The following FLI1 variants were observed in gnomAD, a reference collection of about 807,000 sequenced individuals.
FLI1 encodes the protein Friend leukemia integration 1 transcription factor.
FLI1 carries 13 observed loss-of-function variants against 53.1 expected under a neutral mutation model. The ratio of observed to expected loss-of-function variants is 0.24; its 90% CI spans 0.16 to 0.39. FLI1 has a LOEUF of 0.39. Among genes scored for constraint, FLI1 ranks in the 10% least tolerant of loss-of-function variants. The pLI, the probability that FLI1 is intolerant of heterozygous loss-of-function variation, is 1.00. For synonymous variants in FLI1, 244 were observed against 236.7 expected, an observed-to-expected ratio of 1.03 and a Z score of -0.28; for missense variants, 424 against 600.5, an observed-to-expected ratio of 0.71 and a Z score of 3.07.
chr11:128,761,152 T>C (rs1467796273), intron 2 of FLI1, among the ~76,000 whole-genome samples: 1 of 152,018 alleles, frequency 6.6e-6, no homozygotes. Context: ...CTCATAAGAC[T>C]CTAGCTGCTG....
At chr11:128,800,632 A>C (rs1045100367) in intron 5 of FLI1, among the ~76,000 whole-genome samples, 5 of 152,220 alleles carry the variant, frequency 3.3e-5, no homozygotes, top group African/African-American at 1.2e-4. Context: ...ACTTTGCGGA[A>C]AAAAATCTCC....
At chr11:128,693,835 G>A (rs536013878), upstream of FLI1, 9 of 222,912 alleles carry the variant, frequency 4.0e-5, no homozygotes, top group East Asian at 6.2e-4. Flanking sequence ...TATTTATATA[G>A]TGTGTGATGC....
intron 8 of FLI1, 109 bp downstream of exon 8, chr11:128,809,313 C>T (rs1942874466): frequency 1.1e-6 from 1 of 903,708 alleles, no homozygotes; most frequent in South Asian, 1.3e-5. Flanking sequence ...GAGTAACATG[C>T]ACGTCTTTCC....
At chr11:128,756,217 G>T (rs1038653121) in intron 1 of FLI1, among the ~76,000 whole-genome samples, 7 of 152,178 alleles carry the variant, frequency 4.6e-5, no homozygotes, top group African/African-American at 1.7e-4. Flanking sequence ...AAATTTATTT[G>T]CTCAGAGTTC....
In FLI1 at chr11:128,805,346, T is replaced by C. The variant is rs879484049; in HGVS notation, c.656-20T>C. On this transcript the variant is annotated intron_variant, in intron 5 of 8. Transcript: ENST00000527786. ...GAAGCAGGCGATGCTAATGTACCCCTATTTGTTATTGTTCATTAGACCCTT... is the reference window on the plus strand; with the variant it reads ...GAAGCAGGCGATGCTAATGTACCCCCATTTGTTATTGTTCATTAGACCCTT... 25 of 1,502,950 alleles carry C rather than the reference T, an allele frequency of 1.7e-5. No homozygotes were observed. The highest frequency in any genetic ancestry group is 2.7e-5 in the African/African-American group (2 of 72,780). The allele number at this position is 1,502,950 out of a possible 1,614,324, so 93.1% of individuals were successfully genotyped here.
At chr11:128,774,313 G>A (rs1164437827) in intron 4 of FLI1, among the ~76,000 whole-genome samples, 2 of 152,126 alleles carry the variant, frequency 1.3e-5, no homozygotes. Context: ...TGTTAGCTCC[G>A]GAGCAATTAC....
At chr11:128,758,366 A>G in intron 2 of FLI1, 40 bp downstream of exon 2, 1 of 1,562,696 alleles carries the variant, frequency 6.4e-7, no homozygotes, top group Non-Finnish European at 8.8e-7. Context: ...GGGAAGGCAC[A>G]AAGTCGCCAG....
At chr11:128,785,186 T>G (rs762747309) in intron 5 of FLI1, among the ~76,000 whole-genome samples, 12 of 152,134 alleles carry the variant, frequency 7.9e-5, no homozygotes, top group Non-Finnish European at 1.2e-4. Flanking sequence ...GCAGTTATGC[T>G]CTACCTTTAG....
At chr11:128,707,480 G>A (rs1307040434) in intron 1 of FLI1, among the ~76,000 whole-genome samples, 1 of 152,156 alleles carries the variant, frequency 6.6e-6, no homozygotes, top group African/African-American at 2.4e-5. Flanking sequence ...TTCTAGAAAC[G>A]TCATTTCAGG....
chr11:128,784,268 C>CCTGCTGCTGCTG (rs1555122623), intron 5 of FLI1, among the ~76,000 whole-genome samples: 1,905 of 130,204 alleles, frequency 0.015, 44 homozygotes, highest in Non-Finnish European at 0.023. Context: ...TCCTCCTCCT[C>CCTGCTGCTGCTG]CTGCTGTCTT....
intron 1 of FLI1, among the ~76,000 whole-genome samples, chr11:128,754,641 T>C (rs667789): frequency 0.37 from 56,588 of 152,096 alleles, 10,801 homozygotes; most frequent in South Asian, 0.44. Context: ...CTGTGGTCCA[T>C]CTCTAGGGAG....
chr11:128,812,076 C>A lies in FLI1; in HGVS notation c.*1088C>A. ...GCCTATAGCTGAAAAGGAAACAGGG[C>A]TGTTTAAGTCACTGACTTATGAGAA... On this transcript the variant is annotated 3_prime_UTR_variant, in exon 9 of 9. Transcript: ENST00000527786. The A allele has an allele frequency of 4.8e-6, 1 of 207,288 alleles. No individual in the cohort carries two copies. The highest frequency in any genetic ancestry group is 9.9e-6 in the Non-Finnish European group (1 of 101,516). The allele number at this position is 207,288 out of a possible 1,614,324, so 12.8% of individuals were successfully genotyped here. A position where few individuals can be genotyped will look rare whatever the true frequency, so the allele number is the denominator to read the frequency against.
At chr11:128,807,014 G>T in intron 6 of FLI1, 166 bp from the exon 7 acceptor site, 1 of 416,654 alleles carries the variant, frequency 2.4e-6, no homozygotes, top group Middle Eastern at 5.9e-4. Flanking sequence ...TGGAGAACAG[G>T]GCCAGCACAT....
At chr11:128,731,653 G>A (rs953377934) in intron 1 of FLI1, among the ~76,000 whole-genome samples, 1 of 152,216 alleles carries the variant, frequency 6.6e-6, no homozygotes, top group Non-Finnish European at 1.5e-5. Flanking sequence ...AAGCCATCAT[G>A]CTAGAAACGG....
chr11:128,702,118 G>A (rs1291466472), intron 1 of FLI1, among the ~76,000 whole-genome samples: 1 of 152,204 alleles, frequency 6.6e-6, no homozygotes, highest in Non-Finnish European at 1.5e-5. Flanking sequence ...TGTCTACAGA[G>A]TCATTTTGTC....
chr11:128,750,734 T>C (rs527287666), intron 1 of FLI1, among the ~76,000 whole-genome samples: 38 of 152,320 alleles, frequency 2.5e-4, no homozygotes, highest in Non-Finnish European at 4.4e-4. Flanking sequence ...CATGTGCACA[T>C]GAAAAGTAAC....
chr11:128,694,877 C>T (rs1463582070), intron 1 of FLI1, among the ~76,000 whole-genome samples: 3 of 152,264 alleles, frequency 2.0e-5, no homozygotes, highest in Admixed American at 6.5e-5. Flanking sequence ...CCCTTCCTCT[C>T]GGCACTCAGT....
intron 1 of FLI1, among the ~76,000 whole-genome samples, chr11:128,701,473 C>CGG (rs1938331124): frequency 6.6e-6 from 1 of 152,204 alleles, no homozygotes; most frequent in Non-Finnish European, 1.5e-5. Flanking sequence ...CGCAGAGACT[C>CGG]ATCACCGTCA....
At chr11:128,744,379 C>T (rs1038042106) in intron 1 of FLI1, among the ~76,000 whole-genome samples, 150 of 152,234 alleles carry the variant, frequency 9.9e-4, no homozygotes, top group Admixed American at 2.6e-4. Flanking sequence ...AAGAAATAAG[C>T]CCAGAGAGAT....
Sources: gnomAD v4.1 joint callset for allele counts (sites outside exome capture counted in the v4.1 genomes callset) on GRCh38, gnomAD v4.1.1 for gene constraint, MANE v1.5 for transcripts, NCBI Gene and HGNC (gene_info 2026-07-23, HGNC 2026-07-21) for gene names.